CACNG3: variants seen among roughly 807,000 people sequenced by gnomAD.
The protein encoded by CACNG3 is voltage-dependent calcium channel gamma-3 subunit.
In CACNG3, 3 loss-of-function variants were observed where a neutral mutation model predicts 28.5. That is an observed-to-expected ratio of 0.11 (90% CI 0.05 to 0.27). The LOEUF (loss-of-function observed/expected upper bound fraction) is 0.27, where lower values mean the gene tolerates loss of function less well. Among genes scored for constraint, CACNG3 ranks in the 10% least tolerant of loss-of-function variants. CACNG3 has a pLI of 1.00. For missense variants in CACNG3, 236 were observed against 414.4 expected, an observed-to-expected ratio of 0.57 and a Z score of 3.74; for synonymous variants, 174 against 162.2, an observed-to-expected ratio of 1.07 and a Z score of -0.55.
chr16:24,354,754 A>G lies in CACNG3; in HGVS notation c.296-79A>G, dbSNP rs188636968. On this transcript the variant is annotated intron_variant, in intron 2 of 3. Transcript: ENST00000005284. ...TCTCTTCCTGTGCTGCCTTCCTCTC[A>G]GGCACTCCTGCGCTTGCAATGGGAG... 62 of 1,431,888 alleles carry G rather than the reference A, an allele frequency of 4.3e-5. No homozygotes were observed. The African/African-American group carries it at 7.9e-4, about 18-fold the overall frequency. The allele number at this position is 1,431,888 out of a possible 1,614,324, so 88.7% of individuals were successfully genotyped here.
chr16:24,266,061 T>C (rs924252379), intron 1 of CACNG3, among the ~76,000 whole-genome samples: 3 of 152,212 alleles, frequency 2.0e-5, no homozygotes, highest in African/African-American at 7.2e-5. Context: ...ATTCTTTCTT[T>C]CCCAGAGAAT....
At chr16:24,260,914 C>T (rs953923616) in intron 1 of CACNG3, among the ~76,000 whole-genome samples, 2 of 152,166 alleles carry the variant, frequency 1.3e-5, no homozygotes, top group Admixed American at 6.5e-5. Flanking sequence ...TGAATGAGAA[C>T]GTGTTCAATA....
intron 1 of CACNG3, among the ~76,000 whole-genome samples, chr16:24,267,793 C>T (rs1035204312): frequency 6.6e-6 from 1 of 152,022 alleles, no homozygotes. Context: ...CCTCAGCCAC[C>T]CAAGTAGCTG....
chr16:24,282,304 G>A (rs961233275), intron 1 of CACNG3, among the ~76,000 whole-genome samples: 4 of 152,104 alleles, frequency 2.6e-5, no homozygotes, highest in African/African-American at 4.8e-5. Context: ...GAGCGCTTAG[G>A]AAACGTTTGG....
intron 1 of CACNG3, among the ~76,000 whole-genome samples, chr16:24,341,341 T>G (rs1213726042): frequency 6.6e-6 from 1 of 152,146 alleles, no homozygotes; most frequent in Non-Finnish European, 1.5e-5. Flanking sequence ...TGGGGAAAAT[T>G]CTTGATTCCT....
In CACNG3 at chr16:24,344,363, C is replaced by T. The variant is rs981456490; in HGVS notation, c.212-2371C>T. Among the ~76,000 whole-genome samples the T allele has an allele frequency of 1.7e-4, 25 of 150,472 alleles. 1 individual carries two copies. The highest frequency in any genetic ancestry group is 4.2e-4 in the South Asian group (2 of 4,748). ...GGTGGAGGTTGCAGCGAGTTGAGAT[C>T]GTGCCACTGCACTCCAACCTGGGCA... On this transcript the variant is annotated intron_variant, in intron 1 of 3. Coordinates refer to ENST00000005284, the MANE Select transcript of CACNG3 (RefSeq NM_006539.4).
At chr16:24,291,812 T>G (rs937996267) in intron 1 of CACNG3, among the ~76,000 whole-genome samples, 1 of 152,156 alleles carries the variant, frequency 6.6e-6, no homozygotes, top group Non-Finnish European at 1.5e-5. Context: ...ATTAAGTGAA[T>G]TAGCACACAT....
chr16:24,332,151 G>C (rs1391445459), intron 1 of CACNG3, among the ~76,000 whole-genome samples: 1 of 152,146 alleles, frequency 6.6e-6, no homozygotes, highest in Non-Finnish European at 1.5e-5. Context: ...TGCCTCTCCA[G>C]ATATCTATTG....
intron 1 of CACNG3, among the ~76,000 whole-genome samples, chr16:24,260,274 G>A (rs1398160577): frequency 6.6e-6 from 1 of 152,108 alleles, no homozygotes; most frequent in African/African-American, 2.4e-5. Flanking sequence ...CTCTTTAATA[G>A]TCAATAATCA....
chr16:24,308,013 A>G (rs528915705), intron 1 of CACNG3, among the ~76,000 whole-genome samples: 61 of 152,196 alleles, frequency 4.0e-4, no homozygotes, highest in Middle Eastern at 3.4e-3. Flanking sequence ...GTGCTCTCTC[A>G]TCTGCATCTG....
intron 1 of CACNG3, among the ~76,000 whole-genome samples, chr16:24,270,990 G>C (rs544118494): frequency 2.0e-5 from 3 of 152,262 alleles, no homozygotes; most frequent in South Asian, 2.1e-4. Context: ...TGGCTGAAAT[G>C]GGGGAGTGAG....
At chr16:24,351,983 T>C (rs1275178645) in intron 2 of CACNG3, among the ~76,000 whole-genome samples, 1 of 151,794 alleles carries the variant, frequency 6.6e-6, no homozygotes, top group Non-Finnish European at 1.5e-5. Context: ...GCCCGGCTAA[T>C]TTTTTGTATT....
At chr16:24,342,177 A>T (rs2141378159) in intron 1 of CACNG3, among the ~76,000 whole-genome samples, 1 of 152,308 alleles carries the variant, frequency 6.6e-6, no homozygotes, top group East Asian at 1.9e-4. Flanking sequence ...CTGAGGCAGG[A>T]GAATCACTTG....
At chr16:24,355,927 A>G (rs1040491659) in intron 3 of CACNG3, among the ~76,000 whole-genome samples, 1 of 152,196 alleles carries the variant, frequency 6.6e-6, no homozygotes, top group Admixed American at 6.5e-5. Flanking sequence ...CCCTGACCAG[A>G]AGAAGGCACA....
chr16:24,304,452 C>G (rs1422780327), intron 1 of CACNG3, among the ~76,000 whole-genome samples: 1 of 152,108 alleles, frequency 6.6e-6, no homozygotes. Context: ...CTCTGCCTAA[C>G]CAGCGTCCAG....
At chr16:24,335,345 G>A (rs1899688643) in intron 1 of CACNG3, among the ~76,000 whole-genome samples, 1 of 152,140 alleles carries the variant, frequency 6.6e-6, no homozygotes, top group African/African-American at 2.4e-5. Flanking sequence ...GCTTGAACCT[G>A]GGAGGCAGAA....
intron 1 of CACNG3, among the ~76,000 whole-genome samples, chr16:24,263,227 A>G (rs932495132): frequency 5.3e-5 from 8 of 152,178 alleles, no homozygotes; most frequent in African/African-American, 1.9e-4. Flanking sequence ...CCTGAATATT[A>G]TTCAGTTTTA....
intron 1 of CACNG3, among the ~76,000 whole-genome samples, chr16:24,274,265 A>G (rs910102985): frequency 1.3e-5 from 2 of 151,962 alleles, no homozygotes; most frequent in African/African-American, 4.8e-5. Context: ...TCAGCCACAT[A>G]TGGCTGTGCA....
In CACNG3 at chr16:24,287,450, G is replaced by A. The variant is rs138125810; in HGVS notation, c.211+30485G>A. On this transcript the variant is annotated intron_variant, in intron 1 of 3. Transcript: ENST00000005284. Reference sequence around the variant, plus strand: ...TGAGAATCACTTGAACCCAAGAGGCGGAGGTTGCAGTGAGCCGAGATCAAG... The same window carrying A: ...TGAGAATCACTTGAACCCAAGAGGCAGAGGTTGCAGTGAGCCGAGATCAAG... 6.0e-3 allele frequency among the ~76,000 whole-genome samples: 904 copies of A among 150,354 alleles called. 15 individuals are homozygous for A. The highest frequency in any genetic ancestry group is 0.017 in the Middle Eastern group (5 of 294).
Sources: allele counts gnomAD v4.1 joint callset (sites outside exome capture counted in the v4.1 genomes callset), GRCh38; gene constraint gnomAD v4.1.1; transcripts MANE v1.5; gene names NCBI Gene and HGNC (gene_info 2026-07-23, HGNC 2026-07-21).